FSTL5: variants seen among roughly 807,000 people sequenced by gnomAD.
FSTL5 encodes follistatin-related protein 5.
Under a neutral mutation model 89.1 loss-of-function variants are expected in FSTL5, and 62 were observed. The observed-to-expected ratio is 0.70, with a 90% CI of 0.57 to 0.86. The LOEUF is 0.86. Ranked by LOEUF, FSTL5 falls within the 40% of genes least tolerant of loss-of-function variation. FSTL5 has a pLI of 0.00. For synonymous variants in FSTL5, 383 were observed against 346.2 expected (o/e 1.11, Z -1.18); for missense variants, 1,057 against 1,001.6 (o/e 1.06, Z -0.75).
chr4:161,789,034 T>C (rs1305612770), intron 4 of FSTL5, among the ~76,000 whole-genome samples: 1 of 152,230 alleles, frequency 6.6e-6, no homozygotes, highest in Non-Finnish European at 1.5e-5. Context: ...TTTGGTTACC[T>C]GTTTATGAGC....
At chr4:161,426,438 G>T (rs1191211307) in intron 15 of FSTL5, among the ~76,000 whole-genome samples, 1 of 152,212 alleles carries the variant, frequency 6.6e-6, no homozygotes, top group East Asian at 1.9e-4. Flanking sequence ...AGAACTAACA[G>T]ACATGATTCA....
At position 161,806,780 on chromosome 4, in the gene FSTL5, T is replaced by C. The variant is rs142277964; in HGVS notation, c.410-30706A>G. On this transcript the variant is annotated intron_variant, in intron 4 of 15. Coordinates refer to ENST00000306100, the MANE Select transcript of FSTL5 (RefSeq NM_020116.5). Reference sequence around the variant, plus strand: ...ACAGAATAATAATAATAGAGATAGATAGATAAAATCGGTGTATGACTGCAA... The same window carrying C: ...ACAGAATAATAATAATAGAGATAGACAGATAAAATCGGTGTATGACTGCAA... Among the ~76,000 whole-genome samples the C allele has an allele frequency of 6.4e-4, 98 of 152,164 alleles. 1 individual carries two copies. The East Asian group carries it at 0.017, about 26-fold the overall frequency.
intron 4 of FSTL5, among the ~76,000 whole-genome samples, chr4:161,889,325 T>C (rs954909879): frequency 9.2e-5 from 14 of 152,128 alleles, no homozygotes; most frequent in Non-Finnish European, 1.9e-4. Context: ...TGGTAATCCA[T>C]GTTTATCCTT....
intron 4 of FSTL5, among the ~76,000 whole-genome samples, chr4:161,852,181 ATAT>A (rs1731575923): frequency 4.5e-4 from 2 of 4,406 alleles, no homozygotes; most frequent in South Asian, 6.8e-3. Context: ...TAGATATAAA[ATAT>A]ATATATATAT....
chr4:161,476,173 G>GTTTTTTTTTTTCTTTTTT (rs1734131101), intron 13 of FSTL5, among the ~76,000 whole-genome samples: 1 of 80,490 alleles, frequency 1.2e-5, no homozygotes, highest in African/African-American at 5.4e-5. Context: ...AAGTTTGCTG[G>GTTTTTTTTTTTCTTTTTT]TTTTTTTTTT....
chr4:162,122,015 C>A (rs13110528), intron 1 of FSTL5, among the ~76,000 whole-genome samples: 1 of 151,698 alleles, frequency 6.6e-6, no homozygotes, highest in African/African-American at 2.4e-5. Flanking sequence ...TACAAAGTAC[C>A]TGCTAATTGA....
intron 6 of FSTL5, among the ~76,000 whole-genome samples, chr4:161,724,513 T>C (rs148709030): frequency 6.6e-6 from 1 of 152,284 alleles, no homozygotes; most frequent in Non-Finnish European, 1.5e-5. Flanking sequence ...GAAATAAAAT[T>C]ATGAATCATT....
intron 3 of FSTL5, among the ~76,000 whole-genome samples, chr4:161,965,895 G>A (rs1735312731): frequency 6.6e-6 from 1 of 151,958 alleles, no homozygotes; most frequent in South Asian, 2.1e-4. Flanking sequence ...AATCTGTCAT[G>A]GTTTATAAAG....
intron 6 of FSTL5, among the ~76,000 whole-genome samples, chr4:161,684,442 T>C (rs1322513360): frequency 6.6e-6 from 1 of 152,138 alleles, no homozygotes; most frequent in Non-Finnish European, 1.5e-5. Flanking sequence ...ACATCTATTG[T>C]TTTTTGATTA....
chr4:162,033,628 T>C lies in FSTL5; in HGVS notation c.157A>G (p.Lys53Glu). The C allele has an allele frequency of 1.3e-6, 2 of 1,490,064 alleles. No homozygotes were observed. Among genetic ancestry groups the C allele is most frequent in the Admixed American group, 1.9e-5 (1 of 52,392 alleles). 92.3% of individuals were successfully genotyped at this position (1,490,064 alleles called of 1,614,324 possible). A position where few individuals can be genotyped will look rare whatever the true frequency, so the allele number is the denominator to read the frequency against. ...TCTTAAAGCAATCATTTCTTACCTTTGACTCTTGAACTTTCTTGATTTTTT... is the reference window on the plus strand; with the variant it reads ...TCTTAAAGCAATCATTTCTTACCTTCGACTCTTGAACTTTCTTGATTTTTT... ...QEKNQESSRV[K>E]GFMIQDGPFG... The change falls in exon 3 of 16, where the codon AAA (lysine) becomes GAA (glutamate). Residue 53 changes from lysine (K) to glutamate (E), a missense_variant. Lys to Glu is a moderately conservative substitution (Grantham distance 56). Coordinates refer to ENST00000306100, the MANE Select transcript of FSTL5 (RefSeq NM_020116.5).
intron 2 of FSTL5, among the ~76,000 whole-genome samples, chr4:162,050,818 T>G (rs1359662339): frequency 6.6e-6 from 1 of 151,424 alleles, no homozygotes. Context: ...ATATAAATGT[T>G]AATGAAGTTA....
chr4:161,730,331 T>C lies in FSTL5; in HGVS notation c.727+29080A>G, dbSNP rs17041414. ...TGTTTTGAGTCAGTGTTCAGTTATA[T>C]AGTACTCTTCTGAACCCATTTACAA... On this transcript the variant is annotated intron_variant, in intron 6 of 15. Transcript: ENST00000306100. Among the ~76,000 whole-genome samples, 183 of 152,288 alleles carry C rather than the reference T, an allele frequency of 1.2e-3. 2 individuals are homozygous for C. The highest frequency in any genetic ancestry group is 4.1e-3 in the African/African-American group (171 of 41,566).
intron 1 of FSTL5, among the ~76,000 whole-genome samples, 154 bp downstream of exon 1, chr4:162,163,461 A>T (rs751865102): frequency 0.32 from 30,759 of 96,520 alleles, 3,839 homozygotes; most frequent in African/African-American, 0.38. Context: ...AATAATAATA[A>T]TAATAATAGT....
chr4:161,646,551 T>C (rs866331522), intron 7 of FSTL5, among the ~76,000 whole-genome samples: 2 of 152,088 alleles, frequency 1.3e-5, no homozygotes, highest in African/African-American at 4.8e-5. Context: ...TTGCATTATG[T>C]TTTGATATAT....
At chr4:161,902,724 C>G (rs971146940) in intron 4 of FSTL5, among the ~76,000 whole-genome samples, 2 of 152,010 alleles carry the variant, frequency 1.3e-5, no homozygotes, top group Non-Finnish European at 2.9e-5. Flanking sequence ...TGGTGGGCGC[C>G]TGTAATCCCA....
At chr4:161,694,104 C>T (rs1738051952) in intron 6 of FSTL5, among the ~76,000 whole-genome samples, 1 of 152,034 alleles carries the variant, frequency 6.6e-6, no homozygotes, top group South Asian at 2.1e-4. Context: ...CTCTCTATTG[C>T]TTTGCTGTTC....
At chr4:161,404,725 G>C (rs78897447) in intron 15 of FSTL5, among the ~76,000 whole-genome samples, 7,168 of 150,468 alleles carry the variant, frequency 0.048, 431 homozygotes, top group East Asian at 0.19. Flanking sequence ...AAACAACAAT[G>C]ATAACTCATA....
intron 1 of FSTL5, among the ~76,000 whole-genome samples, chr4:162,118,180 A>T (rs1410653899): frequency 6.6e-6 from 1 of 152,194 alleles, no homozygotes; most frequent in Non-Finnish European, 1.5e-5. Context: ...ATCTATTGAG[A>T]CACTTTAACT....
intron 6 of FSTL5, among the ~76,000 whole-genome samples, chr4:161,677,591 G>A (rs760153233): frequency 3.9e-5 from 6 of 151,914 alleles, no homozygotes; most frequent in Middle Eastern, 3.4e-3. Context: ...ACAAAGTTTC[G>A]AGGATATCAA....
Sources: gnomAD v4.1 joint callset for allele counts (sites outside exome capture counted in the v4.1 genomes callset) on GRCh38, gnomAD v4.1.1 for gene constraint, MANE v1.5 for transcripts, NCBI Gene and HGNC (gene_info 2026-07-23, HGNC 2026-07-21) for gene names.